Variants in FAM171A1 observed in about 807,000 individuals in gnomAD.
FAM171A1 encodes the protein protein FAM171A1.
Under a neutral mutation model 74.9 loss-of-function variants are expected in FAM171A1, and 23 were observed. The ratio of observed to expected loss-of-function variants is 0.31; its 90% CI spans 0.22 to 0.44. The LOEUF (loss-of-function observed/expected upper bound fraction) is 0.44, where lower values mean the gene tolerates loss of function less well. Among genes scored for constraint, FAM171A1 ranks in the 20% least tolerant of loss-of-function variants. The pLI, the probability that FAM171A1 is intolerant of heterozygous loss-of-function variation, is 1.00. For missense variants in FAM171A1, 1,162 were observed against 1,159.2 expected (o/e 1.00, Z -0.03); for synonymous variants, 527 against 505.7 (o/e 1.04, Z -0.57).
intron 3 of FAM171A1, among the ~76,000 whole-genome samples, chr10:15,275,004 A>G (rs1020163424): frequency 6.6e-6 from 1 of 152,202 alleles, no homozygotes; most frequent in African/African-American, 2.4e-5. Context: ...TCGCAAGGAC[A>G]GAAAACCAAA....
At chr10:15,273,734 G>A (rs540701898) in intron 3 of FAM171A1, among the ~76,000 whole-genome samples, 7 of 152,088 alleles carry the variant, frequency 4.6e-5, no homozygotes, top group Non-Finnish European at 8.8e-5. Context: ...TTCAACATAC[G>A]CAAATCAATA....
intron 5 of FAM171A1, among the ~76,000 whole-genome samples, chr10:15,226,054 T>C (rs1342354769): frequency 1.3e-5 from 2 of 152,162 alleles, no homozygotes; most frequent in Non-Finnish European, 2.9e-5. Context: ...CTTAGTGTCC[T>C]CTGCACAAGC....
chr10:15,363,934 C>T (rs1836027658), intron 1 of FAM171A1, among the ~76,000 whole-genome samples: 1 of 152,172 alleles, frequency 6.6e-6, no homozygotes, highest in Middle Eastern at 3.4e-3. Flanking sequence ...GTTCAAATGG[C>T]CCTGGGCCCT....
intron 1 of FAM171A1, among the ~76,000 whole-genome samples, chr10:15,352,303 T>C (rs17359814): frequency 0.42 from 64,447 of 151,882 alleles, 13,892 homozygotes; most frequent in Non-Finnish European, 0.49. Flanking sequence ...TTGACAAGTA[T>C]CTAACTTCAA....
chr10:15,323,338 A>G (rs182831599), intron 1 of FAM171A1, among the ~76,000 whole-genome samples: 47 of 152,194 alleles, frequency 3.1e-4, no homozygotes, highest in Non-Finnish European at 5.6e-4. Context: ...CTGTAATCCC[A>G]GCTACTTGGG....
At chr10:15,347,706 C>T (rs1483611196) in intron 1 of FAM171A1, among the ~76,000 whole-genome samples, 4 of 151,484 alleles carry the variant, frequency 2.6e-5, no homozygotes, top group Admixed American at 2.6e-4. Flanking sequence ...CGTGGTGGTG[C>T]GCACCTGTAG....
At chr10:15,268,732 A>T (rs558079922) in intron 3 of FAM171A1, among the ~76,000 whole-genome samples, 58 of 152,252 alleles carry the variant, frequency 3.8e-4, no homozygotes, top group Middle Eastern at 3.4e-3. Context: ...GCCTCCCAAG[A>T]AGAAGGGACC....
intron 2 of FAM171A1, among the ~76,000 whole-genome samples, chr10:15,280,996 G>A (rs1389452653): frequency 6.6e-6 from 1 of 152,190 alleles, no homozygotes; most frequent in African/African-American, 2.4e-5. Context: ...AGGGCCTGAT[G>A]GGAGGTGATT....
At chr10:15,342,823 G>T (rs1835779720) in intron 1 of FAM171A1, among the ~76,000 whole-genome samples, 2 of 152,226 alleles carry the variant, frequency 1.3e-5, no homozygotes, top group Admixed American at 1.3e-4. Context: ...ATTTATCAGT[G>T]ATTTTACAAC....
At chr10:15,258,765 T>C (rs1588516805) in intron 3 of FAM171A1, among the ~76,000 whole-genome samples, 1 of 152,218 alleles carries the variant, frequency 6.6e-6, no homozygotes, top group African/African-American at 2.4e-5. Context: ...TTGGGATTCA[T>C]GGTCCTGCAC....
At chr10:15,309,455 G>A (rs1443028883) in intron 1 of FAM171A1, among the ~76,000 whole-genome samples, 1 of 152,242 alleles carries the variant, frequency 6.6e-6, no homozygotes, top group Non-Finnish European at 1.5e-5. Flanking sequence ...CAATCCTCCC[G>A]CCTTGGCGTC....
intron 1 of FAM171A1, among the ~76,000 whole-genome samples, chr10:15,287,162 G>GCTCACCGTAAGCTTCGC (rs200574230): frequency 0.02 from 3,024 of 149,102 alleles, 105 homozygotes; most frequent in African/African-American, 0.072. Flanking sequence ...TGCGATCTCG[G>GCTCACCGTAAGCTTCGC]CTCACCGTAA....
chr10:15,333,742 G>A (rs1383190402), intron 1 of FAM171A1, among the ~76,000 whole-genome samples: 1 of 151,928 alleles, frequency 6.6e-6, no homozygotes, highest in Non-Finnish European at 1.5e-5. Flanking sequence ...GGACTGTCAT[G>A]GGAAGATTGC....
intron 1 of FAM171A1, among the ~76,000 whole-genome samples, chr10:15,360,077 G>A (rs545355064): frequency 6.6e-6 from 1 of 152,320 alleles, no homozygotes; most frequent in Admixed American, 6.5e-5. Context: ...TGGGACCACA[G>A]TGTACCACCA....
At chr10:15,329,961 T>G (rs974346620) in intron 1 of FAM171A1, among the ~76,000 whole-genome samples, 1 of 152,184 alleles carries the variant, frequency 6.6e-6, no homozygotes, top group Non-Finnish European at 1.5e-5. Flanking sequence ...AGGACTTTTG[T>G]GGAATGCATT....
rs77718352 is a variant in FAM171A1, at chr10:15,257,382, G to C, written c.419-2503C>G. Among the ~76,000 whole-genome samples, 1,073 of 152,274 alleles carry C rather than the reference G, an allele frequency of 7.0e-3. 15 individuals are homozygous for C. The highest frequency in any genetic ancestry group is 0.024 in the African/African-American group (1,009 of 41,546). On this transcript the variant is annotated intron_variant, in intron 3 of 7. Coordinates refer to ENST00000378116, the MANE Select transcript of FAM171A1 (RefSeq NM_001010924.2). The stretch of plus-strand genomic sequence containing the variant: ...GATACGCAGCCTAGCCAGGACTTAC[G>C]GGGACTGGCCTGGGACCCAGAGAAC...
chr10:15,278,777 T>C (rs903672704), intron 2 of FAM171A1, among the ~76,000 whole-genome samples: 5 of 152,020 alleles, frequency 3.3e-5, no homozygotes, highest in African/African-American at 9.7e-5. Context: ...TTGGTGCTAA[T>C]AGGTATGGGG....
At position 15,216,110 on chromosome 10, in the gene FAM171A1, C is replaced by G; in HGVS notation, c.872G>C (p.Gly291Ala). The change falls in exon 7 of 8, where the codon GGT (glycine) becomes GCT (alanine). Residue 291 changes from glycine to alanine, a missense_variant and splice_region_variant. Gly to Ala is a moderately conservative substitution (Grantham distance 60). Coordinates refer to ENST00000378116, the MANE Select transcript of FAM171A1 (RefSeq NM_001010924.2). ...GGTAATGTCCTGTGTTACAACGGGA[C>G]CTAGAAGGTCAGAAAATGGCATTTA... Reference protein sequence around the residue: ...WVAAMSPPIPGPVVTQDITTY... With the variant: ...WVAAMSPPIPAPVVTQDITTY... The G allele has an allele frequency of 6.3e-7, 1 of 1,578,170 alleles. No individual in the cohort carries two copies. Among genetic ancestry groups the G allele is most frequent in the Non-Finnish European group, 8.6e-7 (1 of 1,168,090 alleles).
chr10:15,372,952 C>A (rs1020095666), upstream of FAM171A1, among the ~76,000 whole-genome samples: 2 of 152,098 alleles, frequency 1.3e-5, no homozygotes, highest in African/African-American at 4.8e-5. Flanking sequence ...AAAATCCACT[C>A]CAGACCCATC....
Sources: allele counts gnomAD v4.1 joint callset (sites outside exome capture counted in the v4.1 genomes callset), GRCh38; gene constraint gnomAD v4.1.1; transcripts MANE v1.5; gene names NCBI Gene and HGNC (gene_info 2026-07-23, HGNC 2026-07-21).